TIAM1: variants seen among roughly 807,000 people sequenced by gnomAD.
TIAM1 encodes the protein TIAM Rac1 associated GEF 1, also known as rho guanine nucleotide exchange factor TIAM1.
In TIAM1, 65 loss-of-function variants were observed where a neutral mutation model predicts 163.5. That is an observed-to-expected ratio of 0.40 (90% CI 0.33 to 0.49). The LOEUF is 0.49. Ranked by LOEUF, TIAM1 falls within the 20% of genes least tolerant of loss-of-function variation. The pLI is 0.77. For missense variants in TIAM1, 1,789 were observed against 2,044.7 expected, an observed-to-expected ratio of 0.87 and a Z score of 2.41; for synonymous variants, 833 against 810.1, an observed-to-expected ratio of 1.03 and a Z score of -0.48.
At chr21:31,210,703 AAGAGAAAGAAAG>A (rs1569033526) in intron 10 of TIAM1, among the ~76,000 whole-genome samples, 45 of 112,616 alleles carry the variant, frequency 4.0e-4, no homozygotes, top group African/African-American at 2.4e-3. Flanking sequence ...GAAAGAAAGA[AAGAGAAAGAAAG>A]AGAAAGAAAG....
rs956739946 is a variant in TIAM1 at position 31,280,029 on chromosome 21, C to T, written c.-188-3121G>A. Among the ~76,000 whole-genome samples the T allele has an allele frequency of 6.6e-5, 10 of 150,550 alleles. No homozygotes were observed. In the East Asian group the frequency reaches 1.2e-3, roughly 17 times the overall value. On this transcript the variant is annotated intron_variant, in intron 2 of 27. Coordinates refer to ENST00000541036, the MANE Select transcript of TIAM1 (RefSeq NM_001353694.2). ...AGACACACACAGACACACACGCGTG[C>T]GCGCACACACACACACACAGCCATA...
chr21:31,220,696 G>A (rs932201810), intron 8 of TIAM1, among the ~76,000 whole-genome samples: 1 of 152,126 alleles, frequency 6.6e-6, no homozygotes, highest in Admixed American at 6.6e-5. Context: ...AACTGCAAAA[G>A]TAACCACTAT....
chr21:31,169,340 A>G (rs2084395647), intron 15 of TIAM1, among the ~76,000 whole-genome samples: 1 of 150,480 alleles, frequency 6.6e-6, no homozygotes, highest in Non-Finnish European at 1.5e-5. Flanking sequence ...AGAAAGAGAT[A>G]ATTTCAAAAA....
chr21:31,150,670 T>C (rs182583960), intron 19 of TIAM1, among the ~76,000 whole-genome samples: 1 of 152,250 alleles, frequency 6.6e-6, no homozygotes, highest in Non-Finnish European at 1.5e-5. Flanking sequence ...AAAAAATCTT[T>C]AGGCAAAGAT....
intron 1 of TIAM1, among the ~76,000 whole-genome samples, chr21:31,550,501 T>C (rs967884346): frequency 2.0e-5 from 3 of 152,152 alleles, no homozygotes; most frequent in African/African-American, 7.2e-5. Context: ...AGAAAGGAAG[T>C]GACTGTGAAT....
chr21:31,431,323 C>A (rs1451545173), intron 2 of TIAM1, among the ~76,000 whole-genome samples: 1 of 152,156 alleles, frequency 6.6e-6, no homozygotes, highest in Non-Finnish European at 1.5e-5. Flanking sequence ...GCTTGTTAAA[C>A]CTCTAGTTGT....
chr21:31,536,019 G>A (rs891831254), intron 1 of TIAM1, among the ~76,000 whole-genome samples: 1 of 152,184 alleles, frequency 6.6e-6, no homozygotes, highest in African/African-American at 2.4e-5. Flanking sequence ...GCTTTCTAGA[G>A]GCGATGGTGC....
intron 7 of TIAM1, among the ~76,000 whole-genome samples, chr21:31,224,226 A>T (rs1213095205): frequency 2.0e-5 from 3 of 152,222 alleles, no homozygotes; most frequent in Non-Finnish European, 1.5e-5. Context: ...AGGTGCAGTG[A>T]TGCTGACAAT....
intron 15 of TIAM1, among the ~76,000 whole-genome samples, chr21:31,176,775 G>A (rs1485949066): frequency 6.6e-6 from 1 of 151,892 alleles, no homozygotes; most frequent in African/African-American, 2.4e-5. Flanking sequence ...AAAAGGACAG[G>A]GAGCAGTAAC....
intron 15 of TIAM1, among the ~76,000 whole-genome samples, chr21:31,173,191 G>A (rs548315079): frequency 4.6e-5 from 7 of 152,132 alleles, no homozygotes; most frequent in Non-Finnish European, 8.8e-5. Context: ...CTCGTGAGAT[G>A]TCTTAACAAT....
chr21:31,376,802 A>G (rs1315143498), intron 2 of TIAM1, among the ~76,000 whole-genome samples: 1 of 151,936 alleles, frequency 6.6e-6, no homozygotes, highest in Non-Finnish European at 1.5e-5. Flanking sequence ...TCCAATCTAG[A>G]AAGCACAAAA....
At chr21:31,269,735 G>A (rs560024268) in intron 3 of TIAM1, among the ~76,000 whole-genome samples, 2 of 147,714 alleles carry the variant, frequency 1.4e-5, no homozygotes, top group Non-Finnish European at 3.0e-5. Flanking sequence ...GCAGTGGCAC[G>A]ATCTTGGCTC....
At chr21:31,219,759 C>A (rs952393379) in intron 8 of TIAM1, among the ~76,000 whole-genome samples, 16 of 151,800 alleles carry the variant, frequency 1.1e-4, no homozygotes, top group South Asian at 6.3e-4. Context: ...CAAAAAAAAA[C>A]CCCAGATCAG....
Position 31,146,950 on chromosome 21 carries a change from C to T in TIAM1, c.3420G>A (p.Lys1140=), listed in dbSNP as rs747102703. Residue 1140 remains lysine (K), a synonymous_variant, in exon 20 of 28, where the codon AAG becomes AAA. Transcript: ENST00000541036. ...GGCTGGCGCAGAAGGCACTGTAGAG[C>T]TTGAAGCGGTCAGCATAATACAGGA... ...GSFLYYADRF[K]LYSAFCASHT... is the part of the protein sequence containing the mutation. The T allele has an allele frequency of 6.2e-7, 1 of 1,614,136 alleles. No individual in the cohort carries two copies. The highest frequency in any genetic ancestry group is 2.2e-5 in the East Asian group (1 of 44,862).
chr21:31,259,700 A>G (rs1269905645), intron 4 of TIAM1, among the ~76,000 whole-genome samples: 1 of 151,910 alleles, frequency 6.6e-6, no homozygotes, highest in South Asian at 2.1e-4. Context: ...ACCAGCTCTC[A>G]AAGTATGGAC....
chr21:31,534,997 A>G (rs1345670578), intron 1 of TIAM1, among the ~76,000 whole-genome samples: 1 of 151,992 alleles, frequency 6.6e-6, no homozygotes, highest in Non-Finnish European at 1.5e-5. Flanking sequence ...AGCTGAGGTG[A>G]GAGGATCACC....
chr21:31,467,904 G>A (rs2045589164), intron 1 of TIAM1, among the ~76,000 whole-genome samples: 1 of 151,634 alleles, frequency 6.6e-6, no homozygotes, highest in African/African-American at 2.4e-5. Flanking sequence ...TGGCCAACAT[G>A]GTGAAACCCT....
chr21:31,458,133 C>G (rs2147342114), intron 2 of TIAM1, among the ~76,000 whole-genome samples: 1 of 152,256 alleles, frequency 6.6e-6, no homozygotes, highest in Non-Finnish European at 1.5e-5. Flanking sequence ...TTCGATAAAA[C>G]AATCGGCCGG....
intron 2 of TIAM1, among the ~76,000 whole-genome samples, chr21:31,322,914 C>T (rs530369198): frequency 5.3e-5 from 8 of 152,342 alleles, no homozygotes; most frequent in South Asian, 4.1e-4. Context: ...TGAGACAAAG[C>T]GCCCCTCAGG....
Sources: allele counts gnomAD v4.1 joint callset (sites outside exome capture counted in the v4.1 genomes callset), GRCh38; gene constraint gnomAD v4.1.1; transcripts MANE v1.5; gene names NCBI Gene and HGNC (gene_info 2026-07-23, HGNC 2026-07-21).